The following DENND1C variants were observed in gnomAD, a reference collection of about 807,000 sequenced individuals.
DENND1C encodes DENN domain containing 1C, also known as DENN domain-containing protein 1C.
DENND1C carries 64 observed loss-of-function variants against 87.9 expected under a neutral mutation model. That is an observed-to-expected ratio of 0.73 (90% CI 0.60 to 0.90). The LOEUF (loss-of-function observed/expected upper bound fraction) is 0.90. DENND1C is among the 40% of genes least tolerant of loss of function. The pLI is 0.00. For missense variants in DENND1C, 980 were observed against 1,037.0 expected, an observed-to-expected ratio of 0.95 and a Z score of 0.76; for synonymous variants, 384 against 424.4, an observed-to-expected ratio of 0.90 and a Z score of 1.17.
At chr19:6,477,026 C>T (rs763227166) in intron 9 of DENND1C, 48 bp downstream of exon 9, 3 of 1,613,356 alleles carry the variant, frequency 1.9e-6, no homozygotes, top group East Asian at 4.5e-5. Context: ...CATCCCCGGT[C>T]CGGGTTTCGG....
chr19:6,470,127 AG>A (rs1234491938), intron 18 of DENND1C, 167 bp downstream of exon 18: 4 of 638,422 alleles, frequency 6.3e-6, no homozygotes, highest in Non-Finnish European at 1.1e-5. Context: ...AAAAAATAAA[AG>A]GGGGAAGAGT....
At position 6,480,045 on chromosome 19, in the gene DENND1C, G is replaced by T; in HGVS notation, c.24C>A (p.Gly8=). ...AGAACCAATCAAACACAGCAGGGGA[G>T]CCCCCTCTGTGGGATGCAGAAGGGG... The part of the protein sequence containing the change: MESRAEG[G]SPAVFDWFFE... Residue 8 remains glycine (G), a synonymous_variant, in exon 2 of 23, where the codon GGC becomes GGA. Coordinates refer to ENST00000381480, the MANE Select transcript of DENND1C (RefSeq NM_024898.4). 1 of 1,607,628 alleles carries T rather than the reference G, an allele frequency of 6.2e-7. No individual in the cohort carries two copies. Among genetic ancestry groups the T allele is most frequent in the Non-Finnish European group, 8.5e-7 (1 of 1,177,716 alleles).
At chr19:6,468,160 G>C (rs752907289) in intron 22 of DENND1C, 42 bp from the exon 23 acceptor site, 1 of 1,610,504 alleles carries the variant, frequency 6.2e-7, no homozygotes. Flanking sequence ...TTAGATGGCA[G>C]AGGGGCTGGC....
rs1330524566 is a variant in DENND1C, at chr19:6,477,121, A to T, written c.520T>A (p.Cys174Ser). 6.2e-7 allele frequency: 1 copy of T among 1,605,230 alleles called. No individual in the cohort carries two copies. The highest frequency in any genetic ancestry group is 8.5e-7 in the Non-Finnish European group (1 of 1,175,926). ...CGGCCGGAGTCCGGGGCCACGAAGC[A>T]GGAAAGCTGGTGGGGGTATTGGCAG... Reference protein sequence around the residue: ...PTRGNSKPLSCFVAPDSGRLP... With the variant: ...PTRGNSKPLSSFVAPDSGRLP... The change falls in exon 9 of 23, where the codon TGC becomes AGC. Residue 174 changes from cysteine to serine, a missense_variant. Coordinates refer to ENST00000381480, the MANE Select transcript of DENND1C (RefSeq NM_024898.4).
At position 6,472,876 on chromosome 19, in the gene DENND1C, G is replaced by A; in HGVS notation, c.1158+13C>T. 1 of 1,508,738 alleles carries A rather than the reference G, an allele frequency of 6.6e-7. No individual in the cohort carries two copies. The allele number at this position is 1,508,738 out of a possible 1,614,324, so 93.5% of individuals were successfully genotyped here. ...CCTCCAGTCCCAGCTGGACCCTCAG[G>A]GCTCTGGCATACCTGTTTGAACAGC... is the stretch of plus-strand genomic sequence containing the variant. On this transcript the variant is annotated intron_variant, in intron 15 of 22. Transcript: ENST00000381480.
Position 6,475,980 on chromosome 19 carries a change from C to T in DENND1C, c.679-43G>A, listed in dbSNP as rs1272562863. ...GGCGTGGAGTCAGGGCCTGGACCCT[C>T]TAGCGCGAGGTCTCTTCCAGCTGCA... On this transcript the variant is annotated intron_variant, in intron 10 of 22. Coordinates refer to ENST00000381480, the MANE Select transcript of DENND1C (RefSeq NM_024898.4). 3 of 1,490,518 alleles carry T rather than the reference C, an allele frequency of 2.0e-6. No individual in the cohort carries two copies. The African/African-American group carries it at 4.3e-5, about 21-fold the overall frequency. The allele number at this position is 1,490,518 out of a possible 1,614,324, so 92.3% of individuals were successfully genotyped here.
At position 6,480,438 on chromosome 19, in the gene DENND1C, G is replaced by C. The variant is rs1192636313; in HGVS notation, c.18-387C>G. ...TGAAGGACAGCCCGTGCAGTCCCAAGCTAAGTGAATTACATCTCTCTCTCT... is the reference window on the plus strand; with the variant it reads ...TGAAGGACAGCCCGTGCAGTCCCAACCTAAGTGAATTACATCTCTCTCTCT... On this transcript the variant is annotated intron_variant, in intron 1 of 22. Coordinates refer to ENST00000381480, the MANE Select transcript of DENND1C (RefSeq NM_024898.4). 5 of 1,086,730 alleles carry C rather than the reference G, an allele frequency of 4.6e-6. No homozygotes were observed. In the African/African-American group the frequency reaches 6.6e-5, roughly 14 times the overall value. 67.3% of individuals were successfully genotyped at this position (1,086,730 alleles called of 1,614,324 possible).
rs373517610 is a variant in DENND1C at position 6,467,677 on chromosome 19, C to T, written c.2233G>A (p.Glu745Lys). The change falls in exon 23 of 23, where the codon GAG (glutamate) becomes AAG (lysine). Residue 745 changes from glutamate to lysine, a missense_variant. Physicochemically the swap from Glu to Lys is moderately conservative, Grantham distance 56. Transcript: ENST00000381480. ...LDPSSDPSSL[E>K]DPRARPPKAL... is the part of the protein sequence containing the mutation. ...TTGGGAGGCCGGGCTCTGGGGTCCT[C>T]CAGAGAACTGGGGTCTGAGGAAGGA... The T allele has an allele frequency of 1.3e-6, 2 of 1,523,980 alleles. No homozygotes were observed. Among genetic ancestry groups the T allele is most frequent in the South Asian group, 1.3e-5 (1 of 75,810 alleles). The allele number at this position is 1,523,980 out of a possible 1,614,324, so 94.4% of individuals were successfully genotyped here.
Position 6,467,685 on chromosome 19 carries a change from C to G in DENND1C, c.2225G>C (p.Ser742Thr), listed in dbSNP as rs1443165408. The G allele has an allele frequency of 6.6e-7, 1 of 1,521,594 alleles. No homozygotes were observed. The highest frequency in any genetic ancestry group is 8.8e-7 in the Non-Finnish European group (1 of 1,137,398). 94.3% of individuals were successfully genotyped at this position (1,521,594 alleles called of 1,614,324 possible). Reference protein sequence around the residue: ...SQPLDPSSDPSSLEDPRARPP... With the variant: ...SQPLDPSSDPTSLEDPRARPP... ...CCGGGCTCTGGGGTCCTCCAGAGAA[C>G]TGGGGTCTGAGGAAGGATCAAGGGG... is the stretch of plus-strand genomic sequence containing the variant. The change falls in exon 23 of 23, where the codon AGT becomes ACT. Residue 742 changes from serine (S) to threonine (T), a missense_variant. Transcript: ENST00000381480.
At chr19:6,479,132 C>T in intron 4 of DENND1C, 76 bp from the exon 5 acceptor site, 11 of 1,588,052 alleles carry the variant, frequency 6.9e-6, no homozygotes, top group South Asian at 4.5e-5. Flanking sequence ...CAACAAAGCT[C>T]CTAGGACCCT....
chr19:6,481,069 G>A (rs1358743454), intron 1 of DENND1C, among the ~76,000 whole-genome samples: 1 of 151,770 alleles, frequency 6.6e-6, no homozygotes, highest in African/African-American at 2.4e-5. Flanking sequence ...CCTCGTGGCT[G>A]GTCCCACATG....
intron 15 of DENND1C, among the ~76,000 whole-genome samples, chr19:6,471,962 C>G (rs1214555312): frequency 6.6e-6 from 1 of 152,206 alleles, no homozygotes; most frequent in Non-Finnish European, 1.5e-5. Context: ...CTTTAGAAAC[C>G]AGAGATCCTA....
At chr19:6,480,565 T>TCCATCCACCCACCCAC (rs1913499374) in intron 1 of DENND1C, 2 of 33,094 alleles carry the variant, frequency 6.0e-5, no homozygotes, top group African/African-American at 3.5e-4. Context: ...CACCCACCTA[T>TCCATCCACCCACCCAC]CTATCTATCT....
chr19:6,481,701 C>T lies in DENND1C; in HGVS notation c.-6G>A. On this transcript the variant is annotated 5_prime_UTR_variant, in exon 1 of 23. Transcript: ENST00000381480. ...TACTCAGCTCTGGATTCCATGGTCC[C>T]TGCAGGGCCAGCCCAGCGGGGCCCT... is the stretch of plus-strand genomic sequence containing the variant. 1 of 1,589,230 alleles carries T rather than the reference C, an allele frequency of 6.3e-7. No individual in the cohort carries two copies. The highest frequency in any genetic ancestry group is 8.6e-7 in the Non-Finnish European group (1 of 1,169,258).
In DENND1C at chr19:6,468,268, C is replaced by T; in HGVS notation, c.1757G>A (p.Cys586Tyr). 1 of 1,613,584 alleles carries T rather than the reference C, an allele frequency of 6.2e-7. No individual in the cohort carries two copies. Among genetic ancestry groups the T allele is most frequent in the Non-Finnish European group, 8.5e-7 (1 of 1,179,704 alleles). Reference sequence around the variant, plus strand: ...GCAGCTGTCCAGGTCTCCTCTGTGACAGCAGTCTAAACTCTGGCTCGGTCT... The same window carrying T: ...GCAGCTGTCCAGGTCTCCTCTGTGATAGCAGTCTAAACTCTGGCTCGGTCT... ...SLRPSQSLDC[C>Y]HRGDLDSCFS... is the part of the protein sequence containing the mutation. Residue 586 changes from cysteine (C) to tyrosine (Y), a missense_variant, in exon 22 of 23, where the codon TGT becomes TAT. Cys to Tyr is a radical substitution (Grantham distance 194). Coordinates refer to ENST00000381480, the MANE Select transcript of DENND1C (RefSeq NM_024898.4).
chr19:6,478,838 A>G lies in DENND1C; in HGVS notation c.311T>C (p.Phe104Ser). The change falls in exon 6 of 23, where the codon TTC becomes TCC. Residue 104 changes from phenylalanine to serine, a missense_variant. Coordinates refer to ENST00000381480, the MANE Select transcript of DENND1C (RefSeq NM_024898.4). Reference sequence around the variant, plus strand: ...GTTCAATAGCTTGTAAAACACCTCGAACCAAGGCAGGTGGCTGTGGAGAGA... The same window carrying G: ...GTTCAATAGCTTGTAAAACACCTCGGACCAAGGCAGGTGGCTGTGGAGAGA... The part of the protein sequence containing the change: ...CLCILSHLPW[F>S]EVFYKLLNTV... 6.2e-7 allele frequency: 1 copy of G among 1,613,786 alleles called. No homozygotes were observed. Among genetic ancestry groups the G allele is most frequent in the Non-Finnish European group, 8.5e-7 (1 of 1,179,806 alleles).
At chr19:6,468,822 G>A (rs2092811397) in intron 20 of DENND1C, 24 bp downstream of exon 20, 1 of 1,499,578 alleles carries the variant, frequency 6.7e-7, no homozygotes, top group Non-Finnish European at 8.9e-7. Context: ...CCAGGTGTGT[G>A]CATGGGGGGA....
intron 10 of DENND1C, chr19:6,476,301 G>T: frequency 4.2e-6 from 1 of 238,154 alleles, no homozygotes. Flanking sequence ...CCTAGGGGTG[G>T]ATCCAAGACG....
chr19:6,477,578 GTTTT>G, intron 6 of DENND1C, 120 bp from the exon 7 acceptor site: 1 of 355,812 alleles, frequency 2.8e-6, no homozygotes, highest in East Asian at 4.5e-5. Flanking sequence ...AGTCCTGGGA[GTTTT>G]TTTTTTTCTT....
Sources: gnomAD v4.1 joint callset for allele counts (sites outside exome capture counted in the v4.1 genomes callset) on GRCh38, gnomAD v4.1.1 for gene constraint, MANE v1.5 for transcripts, NCBI Gene and HGNC (gene_info 2026-07-23, HGNC 2026-07-21) for gene names.